The following HPSE2 variants were observed in gnomAD, a reference collection of about 807,000 sequenced individuals.
HPSE2 encodes heparanase 2 (inactive), also known as inactive heparanase-2.
A neutral mutation model predicts 60.5 loss-of-function variants in HPSE2; 38 were observed. The observed-to-expected ratio is 0.63, with a 90% confidence interval of 0.48 to 0.82. The LOEUF (loss-of-function observed/expected upper bound fraction) is 0.82, where lower values mean the gene tolerates loss of function less well. Among genes scored for constraint, HPSE2 ranks in the 40% least tolerant of loss-of-function variants. The pLI, the probability that HPSE2 is intolerant of heterozygous loss-of-function variation, is 0.00. For synonymous variants in HPSE2, 295 were observed against 293.2 expected (o/e 1.01, Z -0.06); for missense variants, 713 against 740.4 (o/e 0.96, Z 0.43).
chr10:98,557,944 TAAAGA>T (rs980922407), intron 9 of HPSE2, among the ~76,000 whole-genome samples: 1 of 152,000 alleles, frequency 6.6e-6, no homozygotes, highest in African/African-American at 2.4e-5. Context: ...CCAGAATATA[TAAAGA>T]AAAGGACAGA....
chr10:98,831,792 G>T (rs908103583), intron 3 of HPSE2, among the ~76,000 whole-genome samples: 1 of 152,166 alleles, frequency 6.6e-6, no homozygotes, highest in African/African-American at 2.4e-5. Context: ...TCTGATGCAG[G>T]TGATAGAAAA....
At position 99,017,811 on chromosome 10, in the gene HPSE2, T is replaced by C. The variant is rs528580493; in HGVS notation, c.610+126427A>G. 4.6e-5 allele frequency among the ~76,000 whole-genome samples: 7 copies of C among 152,304 alleles called. No homozygotes were observed. The Middle Eastern group carries it at 0.02, about 444-fold the overall frequency. On this transcript the variant is annotated intron_variant, in intron 3 of 11. Transcript: ENST00000370552. ...TTTCCTTATGTTGACATTTTTAAAG[T>C]GACTCTGATATATGCTTTCAATACA...
At chr10:99,255,407 G>T in the HPSE2 span, among the ~76,000 whole-genome samples, 1 of 151,988 alleles carries the variant, frequency 6.6e-6, no homozygotes, top group Non-Finnish European at 1.5e-5. Flanking sequence ...ACCAGAAAAA[G>T]ATATTAGAAA....
At chr10:98,838,436 C>T (rs1951840020) in intron 3 of HPSE2, among the ~76,000 whole-genome samples, 2 of 151,148 alleles carry the variant, frequency 1.3e-5, no homozygotes, top group South Asian at 4.2e-4. Context: ...TAATCTCTTT[C>T]AGAGAATAAT....
intron 3 of HPSE2, among the ~76,000 whole-genome samples, chr10:99,017,797 T>G (rs898395758): frequency 1.3e-5 from 2 of 152,298 alleles, no homozygotes; most frequent in African/African-American, 4.8e-5. Flanking sequence ...TTCCTTATGT[T>G]GACATTTTTA....
chr10:98,580,925 T>C (rs1191357976), intron 9 of HPSE2, among the ~76,000 whole-genome samples: 1 of 150,418 alleles, frequency 6.6e-6, no homozygotes, highest in East Asian at 1.9e-4. Context: ...TTAAAATTAT[T>C]TGATAATTAT....
intron 9 of HPSE2, among the ~76,000 whole-genome samples, chr10:98,567,307 A>C (rs1279112253): frequency 6.6e-6 from 1 of 152,166 alleles, no homozygotes; most frequent in Non-Finnish European, 1.5e-5. Flanking sequence ...TTACTCTTTT[A>C]GTCTCTCTAA....
At chr10:99,309,328 T>A in the HPSE2 span, among the ~76,000 whole-genome samples, 5 of 152,330 alleles carry the variant, frequency 3.3e-5, no homozygotes, top group South Asian at 1.0e-3. Context: ...GGATTAGTTT[T>A]ATATTATGTG....
chr10:98,878,114 C>T (rs1952925513), intron 3 of HPSE2, among the ~76,000 whole-genome samples: 1 of 151,428 alleles, frequency 6.6e-6, no homozygotes, highest in Non-Finnish European at 1.5e-5. Flanking sequence ...AAAACCTGGA[C>T]AAAATATACA....
intron 9 of HPSE2, among the ~76,000 whole-genome samples, chr10:98,613,073 T>C (rs1945806499): frequency 6.6e-6 from 1 of 152,198 alleles, no homozygotes; most frequent in Admixed American, 6.5e-5. Flanking sequence ...TTTACTGTCA[T>C]TGGCTCTTGG....
intron 5 of HPSE2, among the ~76,000 whole-genome samples, chr10:98,704,372 A>G (rs912285389): frequency 6.6e-6 from 1 of 151,954 alleles, no homozygotes; most frequent in Non-Finnish European, 1.5e-5. Flanking sequence ...CCATCAAACT[A>G]CCATTGACAT....
At chr10:98,708,865 A>C (rs1373097626) in intron 5 of HPSE2, among the ~76,000 whole-genome samples, 3 of 152,232 alleles carry the variant, frequency 2.0e-5, no homozygotes, top group Non-Finnish European at 4.4e-5. Flanking sequence ...AAAACTAGAA[A>C]AGGAAAGCCA....
In HPSE2 at chr10:99,126,468, G is replaced by A. The variant is rs536217994; in HGVS notation, c.610+17770C>T. Among the ~76,000 whole-genome samples, 8 of 152,120 alleles carry A rather than the reference G, an allele frequency of 5.3e-5. No individual in the cohort carries two copies. Among genetic ancestry groups the A allele is most frequent in the Non-Finnish European group, 8.8e-5 (6 of 68,024 alleles). ...TTACCCTGGCCAATGTATGGCAAGC[G>A]TAGATCTCCTTACTACTGTTGCAGC... On this transcript the variant is annotated intron_variant, in intron 3 of 11. Coordinates refer to ENST00000370552, the MANE Select transcript of HPSE2 (RefSeq NM_021828.5). This position sits in a 1 kb window ranked among gnomAD's most constrained non-coding sequence, Gnocchi z 4.0.
At chr10:98,741,397 T>C (rs1949493546) in intron 4 of HPSE2, among the ~76,000 whole-genome samples, 1 of 152,086 alleles carries the variant, frequency 6.6e-6, no homozygotes, top group African/African-American at 2.4e-5. Flanking sequence ...CTAAATAACA[T>C]TTTTTTAAGT....
intron 2 of HPSE2, among the ~76,000 whole-genome samples, chr10:99,183,496 A>G (rs978101794): frequency 6.6e-6 from 1 of 152,190 alleles, no homozygotes; most frequent in Non-Finnish European, 1.5e-5. Flanking sequence ...GTATCAAAGA[A>G]CAGAAACTCA....
At chr10:98,743,059 G>A (rs753937169) in intron 4 of HPSE2, among the ~76,000 whole-genome samples, 1 of 143,400 alleles carries the variant, frequency 7.0e-6, no homozygotes, top group African/African-American at 2.6e-5. Flanking sequence ...TGCAACCTTC[G>A]CCTCCTGGGT....
intron 3 of HPSE2, among the ~76,000 whole-genome samples, chr10:99,084,600 G>A (rs547112146): frequency 6.6e-6 from 1 of 152,052 alleles, no homozygotes; most frequent in Non-Finnish European, 1.5e-5. Context: ...GCACAGGTTG[G>A]CTCCACTGGT....
chr10:99,170,007 T>C (rs1847246853), intron 2 of HPSE2, among the ~76,000 whole-genome samples: 1 of 152,206 alleles, frequency 6.6e-6, no homozygotes, highest in Admixed American at 6.5e-5. Context: ...TGAATAGGCA[T>C]GGCTGTGTGC....
At chr10:98,932,085 G>A (rs1954657362) in intron 3 of HPSE2, among the ~76,000 whole-genome samples, 1 of 143,832 alleles carries the variant, frequency 7.0e-6, no homozygotes, top group Non-Finnish European at 1.5e-5. Flanking sequence ...TGCCCATTTA[G>A]TATGATATTG....
Sources: allele counts gnomAD v4.1 joint callset (sites outside exome capture counted in the v4.1 genomes callset), GRCh38; gene constraint gnomAD v4.1.1; non-coding constraint Gnocchi (gnomAD v3.1); transcripts MANE v1.5; gene names NCBI Gene and HGNC (gene_info 2026-07-23, HGNC 2026-07-21).